ZNF44: variants seen among roughly 807,000 people sequenced by gnomAD.
The protein encoded by ZNF44 is gonadotropin inducible transcription repressor-2.
A neutral mutation model predicts 11.7 loss-of-function variants in ZNF44; 9 were observed. That is an observed-to-expected ratio of 0.77 (90% CI 0.46 to 1.35). The LOEUF (loss-of-function observed/expected upper bound fraction) is 1.35, where lower values mean the gene tolerates loss of function less well. ZNF44 is among the 40% of genes most tolerant of loss of function. The probability of loss-of-function intolerance (pLI) is 0.00; values close to 1 mark genes in which losing one functional copy is unlikely to be tolerated. For synonymous variants in ZNF44, 224 were observed against 242.7 expected, an observed-to-expected ratio of 0.92 and a Z score of 0.72; for missense variants, 696 against 743.1, an observed-to-expected ratio of 0.94 and a Z score of 0.74.
chr19:12,250,287 A>G (rs1478551291), exon 6 of ZNF44: 2 of 1,366,490 alleles, frequency 1.5e-6, no homozygotes, highest in Non-Finnish European at 2.0e-6. Flanking sequence ...ACGTCTCTGT[A>G]GAGTTTTTTC....
chr19:12,225,548 C>CTGTT (rs1042608913), downstream of ZNF44, among the ~76,000 whole-genome samples: 24 of 152,254 alleles, frequency 1.6e-4, no homozygotes, highest in South Asian at 8.3e-4. Context: ...GTGTTATTTT[C>CTGTT]TGTTAGTAAC....
chr19:12,235,446 A>G (rs1406074149), intron 1 of ZNF44, among the ~76,000 whole-genome samples: 1 of 152,194 alleles, frequency 6.6e-6, no homozygotes, highest in African/African-American at 2.4e-5. Flanking sequence ...AAGAGTAAAC[A>G]CTTCCTAATA....
intron 1 of ZNF44, among the ~76,000 whole-genome samples, chr19:12,277,376 C>T (rs574990413): frequency 1.3e-5 from 2 of 152,182 alleles, no homozygotes; most frequent in Non-Finnish European, 2.9e-5. Flanking sequence ...AGAGGACAGA[C>T]TGCAAATGTT....
downstream of ZNF44, among the ~76,000 whole-genome samples, chr19:12,245,371 C>G (rs146458082): frequency 6.6e-6 from 1 of 152,206 alleles, no homozygotes; most frequent in East Asian, 1.9e-4. Context: ...TAAGAAATAC[C>G]TGCAGAAGTT....
intron 1 of ZNF44, among the ~76,000 whole-genome samples, chr19:12,282,548 A>G (rs1028374016): frequency 6.6e-6 from 1 of 151,208 alleles, no homozygotes; most frequent in Admixed American, 6.6e-5. Flanking sequence ...CAGCCTCTCG[A>G]GCAGCTGGGA....
At chr19:12,262,564 C>T (rs1256826271) in intron 5 of ZNF44, among the ~76,000 whole-genome samples, 4 of 152,092 alleles carry the variant, frequency 2.6e-5, no homozygotes, top group South Asian at 2.1e-4. Flanking sequence ...CCACTGCACC[C>T]GGCCCAAAAT....
intron 5 of ZNF44, among the ~76,000 whole-genome samples, chr19:12,258,911 G>A (rs561343594): frequency 1.1e-4 from 17 of 152,142 alleles, no homozygotes; most frequent in African/African-American, 4.1e-4. Flanking sequence ...GTCTCACCCT[G>A]TCACCCAGGC....
intron 1 of ZNF44, among the ~76,000 whole-genome samples, chr19:12,277,824 T>C (rs984648195): frequency 3.9e-5 from 6 of 152,162 alleles, no homozygotes; most frequent in Non-Finnish European, 7.3e-5. Flanking sequence ...TAACCGAAGG[T>C]CTGAAACAAG....
chr19:12,281,006 A>T (rs939491954), intron 1 of ZNF44, among the ~76,000 whole-genome samples: 2 of 152,210 alleles, frequency 1.3e-5, no homozygotes, highest in African/African-American at 4.8e-5. Context: ...AGTTGAGGGA[A>T]AACAACTCAC....
intron 5 of ZNF44, among the ~76,000 whole-genome samples, chr19:12,263,898 C>A (rs1447185815): frequency 6.8e-6 from 1 of 148,090 alleles, no homozygotes; most frequent in Non-Finnish European, 1.5e-5. Flanking sequence ...GCACTCCAGC[C>A]TGGGCGATAG....
chr19:12,282,262 G>A (rs1967502464), intron 1 of ZNF44, among the ~76,000 whole-genome samples: 3 of 152,154 alleles, frequency 2.0e-5, no homozygotes, highest in East Asian at 1.9e-4. Context: ...GTGACTAAGA[G>A]AGGTAGACTC....
chr19:12,276,725 AT>A (rs1429997544), intron 1 of ZNF44, among the ~76,000 whole-genome samples: 1 of 152,194 alleles, frequency 6.6e-6, no homozygotes, highest in African/African-American at 2.4e-5. Flanking sequence ...TGTGGAAGTA[AT>A]CAAAGGTAGT....
At chr19:12,279,283 G>T (rs1175418205) in intron 1 of ZNF44, among the ~76,000 whole-genome samples, 3 of 152,092 alleles carry the variant, frequency 2.0e-5, no homozygotes, top group African/African-American at 7.2e-5. Flanking sequence ...AACTTTGGGA[G>T]GCTGAGGGAG....
downstream of ZNF44, among the ~76,000 whole-genome samples, chr19:12,245,347 TAATA>T (rs1568425416): frequency 6.6e-6 from 1 of 152,178 alleles, no homozygotes; most frequent in African/African-American, 2.4e-5. Flanking sequence ...TTAAAAGAGT[TAATA>T]AAATATTTCT....
In ZNF44 at chr19:12,273,735, A is replaced by C; in HGVS notation, c.520T>G (p.Cys174Gly). Residue 174 changes from cysteine to glycine, a missense_variant, in exon 4 of 4, where the codon TGT (cysteine) becomes GGT (glycine). Coordinates refer to ENST00000355684, the MANE Select transcript of ZNF44 (RefSeq NM_016264.4). ...TGKKPYDCKE[C>G]GKTFSSPGNL... Reference sequence around the variant, plus strand: ...CCAGGAGAACTGAAGGTTTTTCCACATTCCTTACAATCATAGGGTTTCTTT... The same window carrying C: ...CCAGGAGAACTGAAGGTTTTTCCACCTTCCTTACAATCATAGGGTTTCTTT... 6.2e-7 allele frequency: 1 copy of C among 1,614,114 alleles called. No individual in the cohort carries two copies. The highest frequency in any genetic ancestry group is 1.1e-5 in the South Asian group (1 of 91,080).
intron 1 of ZNF44, chr19:12,237,433 C>G (rs1369348864): frequency 1.2e-5 from 2 of 165,588 alleles, no homozygotes; most frequent in Admixed American, 6.4e-5. Flanking sequence ...CCTCCTCCCA[C>G]CCGGCCTTGC....
At chr19:12,294,588 C>T in intron 1 of ZNF44, 104 bp downstream of exon 1, 2 of 1,482,798 alleles carry the variant, frequency 1.3e-6, no homozygotes, top group Admixed American at 2.1e-5. Context: ...AGGTCCCAGA[C>T]CCCAAAGACG....
In ZNF44 at chr19:12,272,531, CAG is replaced by C; in HGVS notation, c.1722_1723del (p.Phe574LeufsTer5). On this transcript the variant is annotated frameshift_variant, in exon 4 of 4. Coordinates refer to ENST00000355684, the MANE Select transcript of ZNF44 (RefSeq NM_016264.4). LOFTEE classifies it low-confidence loss of function (END_TRUNC). ...AGTGTGAGTTCTTTCATGTTCTCGACAGAAACTGGAACGACTGAAGGCTTTAC... is the reference window on the plus strand; with the variant it reads ...AGTGTGAGTTCTTTCATGTTCTCGACAAACTGGAACGACTGAAGGCTTTAC... 1 of 1,605,890 alleles carries C rather than the reference CAG, an allele frequency of 6.2e-7. No individual in the cohort carries two copies. Among genetic ancestry groups the C allele is most frequent in the Non-Finnish European group, 8.5e-7 (1 of 1,176,308 alleles).
chr19:12,234,590 C>A (rs1916304138), intron 2 of ZNF44: 1 of 152,208 alleles, frequency 6.6e-6, no homozygotes, highest in African/African-American at 2.4e-5. Context: ...TTTCCACATT[C>A]CAAATTTTGG....
Sources: gnomAD v4.1 joint callset for allele counts (sites outside exome capture counted in the v4.1 genomes callset) on GRCh38, gnomAD v4.1.1 for gene constraint, MANE v1.5 for transcripts, NCBI Gene and HGNC (gene_info 2026-07-23, HGNC 2026-07-21) for gene names.